Variants in SLMAP observed in about 807,000 individuals in gnomAD.
SLMAP encodes sarcolemma associated protein.
A neutral mutation model predicts 128.8 loss-of-function variants in SLMAP; 44 were observed. That is an observed-to-expected ratio of 0.34 (90% CI 0.27 to 0.44). The LOEUF (loss-of-function observed/expected upper bound fraction) is 0.44. SLMAP is among the 20% of genes least tolerant of loss of function. The pLI, the probability that SLMAP is intolerant of heterozygous loss-of-function variation, is 1.00. For synonymous variants in SLMAP, 327 were observed against 348.8 expected (o/e 0.94, Z 0.70); for missense variants, 787 against 985.3 (o/e 0.80, Z 2.69).
At chr3:57,914,811 A>G (rs190336069) in intron 21 of SLMAP, among the ~76,000 whole-genome samples, 1,568 of 151,502 alleles carry the variant, frequency 0.01, 19 homozygotes, top group Non-Finnish European at 0.017. Flanking sequence ...CAAACTCCTG[A>G]CCTCAGGTGA....
intron 15 of SLMAP, among the ~76,000 whole-genome samples, chr3:57,895,187 G>C (rs2096207646): frequency 6.6e-6 from 1 of 151,806 alleles, no homozygotes; most frequent in Non-Finnish European, 1.5e-5. Context: ...GAGGATCTGG[G>C]GCCTAATTAA....
chr3:57,855,743 A>T (rs914412356), intron 6 of SLMAP, among the ~76,000 whole-genome samples: 4 of 141,636 alleles, frequency 2.8e-5, no homozygotes, highest in Non-Finnish European at 4.6e-5. Flanking sequence ...AAAAACTTTA[A>T]ATAAAAATAT....
At chr3:57,788,156 CTG>C (rs2084645305) in intron 2 of SLMAP, among the ~76,000 whole-genome samples, 1 of 152,172 alleles carries the variant, frequency 6.6e-6, no homozygotes. Flanking sequence ...TTTATAGAAA[CTG>C]AGTGATTTTT....
intron 4 of SLMAP, among the ~76,000 whole-genome samples, chr3:57,846,033 C>T (rs1437379305): frequency 2.6e-5 from 4 of 151,992 alleles, no homozygotes; most frequent in Non-Finnish European, 5.9e-5. Flanking sequence ...GTAGAGATGA[C>T]GTTTCACTGT....
intron 13 of SLMAP, among the ~76,000 whole-genome samples, chr3:57,869,653 T>TATATATATATATATATATATAA (rs1560338113): frequency 7.4e-6 from 1 of 135,188 alleles, no homozygotes; most frequent in Non-Finnish European, 1.6e-5. Flanking sequence ...TATATATATA[T>TATATATATATATATATATATAA]ATATATAATA....
chr3:57,875,517 A>G (rs913149238), intron 14 of SLMAP, among the ~76,000 whole-genome samples: 2 of 152,368 alleles, frequency 1.3e-5, no homozygotes, highest in Middle Eastern at 3.4e-3. Context: ...CTGTCTCAGA[A>G]AACAAAAACA....
chr3:57,816,594 T>C (rs1348098801), intron 2 of SLMAP, among the ~76,000 whole-genome samples: 1 of 152,138 alleles, frequency 6.6e-6, no homozygotes, highest in Non-Finnish European at 1.5e-5. Context: ...TTTAAAGAAG[T>C]CATATGTGAC....
intron 17 of SLMAP, among the ~76,000 whole-genome samples, chr3:57,905,783 A>T (rs1277607111): frequency 6.6e-6 from 1 of 152,186 alleles, no homozygotes; most frequent in Non-Finnish European, 1.5e-5. Context: ...TTATTAACAT[A>T]CAGCAATAGT....
At chr3:57,913,333 T>A (rs373751517) in intron 21 of SLMAP, 58 bp downstream of exon 21, 50 of 733,128 alleles carry the variant, frequency 6.8e-5, no homozygotes, top group East Asian at 3.1e-4. Context: ...TAAATTTTCA[T>A]CTAAATTAAA....
At chr3:57,885,542 A>C (rs1350889558) in intron 14 of SLMAP, among the ~76,000 whole-genome samples, 5 of 128,702 alleles carry the variant, frequency 3.9e-5, no homozygotes, top group South Asian at 2.5e-4. Flanking sequence ...GCGTCAGCCT[A>C]CCGAGTAGCT....
chr3:57,809,001 A>G (rs1178094475), intron 2 of SLMAP, among the ~76,000 whole-genome samples: 1 of 152,000 alleles, frequency 6.6e-6, no homozygotes, highest in Non-Finnish European at 1.5e-5. Flanking sequence ...TCCCTCTACC[A>G]TTACGTAATG....
chr3:57,784,878 T>C (rs2083774834), intron 2 of SLMAP, among the ~76,000 whole-genome samples: 1 of 152,166 alleles, frequency 6.6e-6, no homozygotes, highest in Admixed American at 6.5e-5. Flanking sequence ...GTGAGTTCTG[T>C]CCTGTCTTGC....
rs11300949 is a variant in SLMAP, at chr3:57,768,811, TA to T, written c.198+10971del. ...GGCCTCTCTAATCAGTCGAAGGCCT[TA>T]AAAAAAAAGACTGAGGTCCCCCTGA... is the stretch of plus-strand genomic sequence containing the variant. On this transcript the variant is annotated intron_variant, in intron 2 of 24. Transcript: ENST00000671191. 8.3e-3 allele frequency among the ~76,000 whole-genome samples: 1,248 copies of T among 150,874 alleles called. 8 individuals are homozygous for T. The highest frequency in any genetic ancestry group is 0.029 in the African/African-American group (1,179 of 41,154).
intron 14 of SLMAP, among the ~76,000 whole-genome samples, chr3:57,881,874 G>A (rs1196771663): frequency 2.0e-5 from 3 of 152,158 alleles, no homozygotes; most frequent in Admixed American, 2.0e-4. Context: ...ATTAATGCCT[G>A]TAGTCTCAAC....
chr3:57,872,374 T>A (rs2095501740), intron 14 of SLMAP, among the ~76,000 whole-genome samples: 1 of 152,106 alleles, frequency 6.6e-6, no homozygotes, highest in Non-Finnish European at 1.5e-5. Context: ...TCCTAGCACT[T>A]TGGGGAGGCC....
At chr3:57,903,526 A>G (rs1211596045) in intron 17 of SLMAP, among the ~76,000 whole-genome samples, 3 of 152,226 alleles carry the variant, frequency 2.0e-5, no homozygotes, top group Non-Finnish European at 4.4e-5. Flanking sequence ...AGTTCAGTTG[A>G]GCAAAGGTCA....
chr3:57,828,881 AG>A (rs1237585553), intron 2 of SLMAP, among the ~76,000 whole-genome samples: 3 of 152,054 alleles, frequency 2.0e-5, no homozygotes, highest in African/African-American at 7.2e-5. Flanking sequence ...CCAGGGCTCA[AG>A]CCATCCTCCC....
At chr3:57,916,527 C>T (rs1258354932) in intron 21 of SLMAP, among the ~76,000 whole-genome samples, 2 of 152,116 alleles carry the variant, frequency 1.3e-5, no homozygotes, top group Non-Finnish European at 2.9e-5. Flanking sequence ...GACCCCCATT[C>T]TATTTGTCAA....
At position 57,890,171 on chromosome 3, in the gene SLMAP, G is replaced by C. The variant is rs1176138010; in HGVS notation, c.1360+71G>C. ...ATGAAGGTTAGTGTATATTTTCAAG[G>C]TTATAGTATTTTAACCATCAGTTTA... On this transcript the variant is annotated intron_variant, in intron 15 of 24. Transcript: ENST00000671191. 5 of 1,475,574 alleles carry C rather than the reference G, an allele frequency of 3.4e-6. No homozygotes were observed. In the Admixed American group the frequency reaches 5.2e-5, roughly 15 times the overall value. 91.4% of individuals were successfully genotyped at this position (1,475,574 alleles called of 1,614,324 possible).
Sources: gnomAD v4.1 joint callset for allele counts (sites outside exome capture counted in the v4.1 genomes callset) on GRCh38, gnomAD v4.1.1 for gene constraint, MANE v1.5 for transcripts, NCBI Gene and HGNC (gene_info 2026-07-23, HGNC 2026-07-21) for gene names.